Variants in KCND2 observed in about 807,000 individuals in gnomAD.
The protein encoded by KCND2 is potassium voltage-gated channel subfamily D member 2.
A neutral mutation model predicts 54.4 loss-of-function variants in KCND2; 16 were observed. That is an observed-to-expected ratio of 0.29 (90% CI 0.20 to 0.45). The LOEUF is 0.45. Among genes scored for constraint, KCND2 ranks in the 20% least tolerant of loss-of-function variants. The probability of loss-of-function intolerance (pLI) is 1.00; values close to 1 mark genes in which losing one functional copy is unlikely to be tolerated. For missense variants in KCND2, 486 were observed against 824.2 expected, an observed-to-expected ratio of 0.59 and a Z score of 5.02; for synonymous variants, 317 against 310.7, an observed-to-expected ratio of 1.02 and a Z score of -0.21.
intron 1 of KCND2, among the ~76,000 whole-genome samples, chr7:120,595,397 G>A (rs1468945069): frequency 6.7e-6 from 1 of 149,378 alleles, no homozygotes; most frequent in Non-Finnish European, 1.5e-5. Flanking sequence ...GTTGCAGTGA[G>A]CTGAGATTGC....
At chr7:120,702,406 G>A (rs1433766922) in intron 1 of KCND2, among the ~76,000 whole-genome samples, 1 of 152,118 alleles carries the variant, frequency 6.6e-6, no homozygotes, top group Non-Finnish European at 1.5e-5. Flanking sequence ...GCTAAAAACG[G>A]AACTACCAGT....
At chr7:120,672,685 G>A (rs550728783) in intron 1 of KCND2, among the ~76,000 whole-genome samples, 1 of 152,178 alleles carries the variant, frequency 6.6e-6, no homozygotes, top group African/African-American at 2.4e-5. Flanking sequence ...GATCAGATCT[G>A]TGATAGGCTG....
chr7:120,636,113 GTTTATTTATTTGCTTA>G (rs1419389863), intron 1 of KCND2, among the ~76,000 whole-genome samples: 2 of 151,942 alleles, frequency 1.3e-5, no homozygotes, highest in African/African-American at 4.8e-5. Flanking sequence ...AGATTGATGG[GTTTATTTATTTGCTTA>G]TTTATTTATT....
At chr7:120,577,539 A>C (rs1349517119) in intron 1 of KCND2, among the ~76,000 whole-genome samples, 8 of 146,824 alleles carry the variant, frequency 5.4e-5, no homozygotes, top group Admixed American at 2.6e-4. Flanking sequence ...CCCTGGACTC[A>C]AACGACAACA....
intron 1 of KCND2, among the ~76,000 whole-genome samples, chr7:120,659,850 T>C (rs1236387144): frequency 6.6e-6 from 1 of 152,160 alleles, no homozygotes; most frequent in East Asian, 1.9e-4. Flanking sequence ...GTAATTAGTG[T>C]GTTTAGTTGA....
At chr7:120,499,699 T>C (rs1351074970) in intron 1 of KCND2, among the ~76,000 whole-genome samples, 2 of 152,196 alleles carry the variant, frequency 1.3e-5, no homozygotes, top group Non-Finnish European at 2.9e-5. Flanking sequence ...ACTTTCAAGA[T>C]CCAGCATACA....
chr7:120,395,899 T>C lies in KCND2; in HGVS notation c.1115+120152T>C, dbSNP rs75517553. ...CCAGATCCTGCTTTTATCAAGGTGTTGGTGACCAGAAAAAGACTCCTATGG... is the reference window on the plus strand; with the variant it reads ...CCAGATCCTGCTTTTATCAAGGTGTCGGTGACCAGAAAAAGACTCCTATGG... On this transcript the variant is annotated intron_variant, in intron 1 of 5. Transcript: ENST00000331113. Among the ~76,000 whole-genome samples, 977 of 152,068 alleles carry C rather than the reference T, an allele frequency of 6.4e-3. 15 individuals carry two copies. The highest frequency in any genetic ancestry group is 0.023 in the African/African-American group (935 of 41,518).
chr7:120,440,011 T>C (rs1043238300), intron 1 of KCND2, among the ~76,000 whole-genome samples: 1 of 152,040 alleles, frequency 6.6e-6, no homozygotes, highest in African/African-American at 2.4e-5. Context: ...TGGATAAATA[T>C]CCAGGAGCAC....
chr7:120,648,117 T>C (rs1015354564), intron 1 of KCND2, among the ~76,000 whole-genome samples: 1 of 152,174 alleles, frequency 6.6e-6, no homozygotes, highest in African/African-American at 2.4e-5. Context: ...GGTTTTCCTG[T>C]CCTCCTAAAC....
chr7:120,547,341 T>G (rs1792053034), intron 1 of KCND2, among the ~76,000 whole-genome samples: 1 of 151,976 alleles, frequency 6.6e-6, no homozygotes, highest in Non-Finnish European at 1.5e-5. Flanking sequence ...TACTCTAATG[T>G]TAACTGAAGA....
chr7:120,503,489 T>G (rs1802968244), intron 1 of KCND2, among the ~76,000 whole-genome samples: 1 of 151,864 alleles, frequency 6.6e-6, no homozygotes, highest in African/African-American at 2.4e-5. Flanking sequence ...AAGTCTCAAA[T>G]TCTTTTAAAC....
chr7:120,295,886 T>C (rs1799506987), intron 1 of KCND2, among the ~76,000 whole-genome samples: 1 of 152,012 alleles, frequency 6.6e-6, no homozygotes, highest in African/African-American at 2.4e-5. Flanking sequence ...TAAACACCCC[T>C]CTATCTACAG....
intron 1 of KCND2, among the ~76,000 whole-genome samples, chr7:120,402,656 C>T (rs1801281590): frequency 1.3e-5 from 2 of 152,060 alleles, no homozygotes; most frequent in African/African-American, 4.8e-5. Flanking sequence ...AAAGATGATT[C>T]ATTTTGTTTC....
intron 1 of KCND2, among the ~76,000 whole-genome samples, chr7:120,653,944 A>C (rs1011497554): frequency 6.6e-6 from 1 of 152,190 alleles, no homozygotes; most frequent in Non-Finnish European, 1.5e-5. Context: ...TTGTTTCCCC[A>C]CAGGGAAAGT....
chr7:120,693,264 T>A (rs1792294135), intron 1 of KCND2, among the ~76,000 whole-genome samples: 1 of 152,180 alleles, frequency 6.6e-6, no homozygotes, highest in African/African-American at 2.4e-5. Context: ...GAAAAGATAT[T>A]AATAATCATA....
intron 1 of KCND2, among the ~76,000 whole-genome samples, chr7:120,491,949 A>C (rs1378852942): frequency 1.3e-5 from 2 of 152,152 alleles, no homozygotes; most frequent in Non-Finnish European, 1.5e-5. Flanking sequence ...CATTTAATTT[A>C]AATCTAATCA....
chr7:120,482,908 C>G (rs922198370), intron 1 of KCND2, among the ~76,000 whole-genome samples: 1 of 152,152 alleles, frequency 6.6e-6, no homozygotes, highest in Non-Finnish European at 1.5e-5. Context: ...TGATTAATTG[C>G]GTCACTTATT....
At chr7:120,443,352 A>AAAT (rs139962538) in intron 1 of KCND2, among the ~76,000 whole-genome samples, 17,242 of 146,482 alleles carry the variant, frequency 0.12, 1,048 homozygotes, top group Admixed American at 0.15. Flanking sequence ...TAACAATAAT[A>AAAT]AATAATAATA....
chr7:120,275,270 C>G lies in KCND2; in HGVS notation c.638C>G (p.Pro213Arg). Residue 213 changes from proline to arginine, a missense_variant, in exon 1 of 6, where the codon CCA (proline) becomes CGA (arginine). Pro to Arg is a moderately radical substitution (Grantham distance 103). Around this residue, in one of 7 missense-constraint regions of KCND2, gnomAD observed 231 missense variants for 386.0 expected, o/e 0.60. Transcript: ENST00000331113. ...VVETVPCGSS[P>R]GHIKELPCGE... ...GAAACAGTGCCGTGCGGATCAAGCC[C>G]AGGTCACATTAAAGAACTGCCCTGT... The G allele has an allele frequency of 1.2e-6, 2 of 1,613,876 alleles. No individual in the cohort carries two copies. The highest frequency in any genetic ancestry group is 1.7e-6 in the Non-Finnish European group (2 of 1,179,968).
Sources: gnomAD v4.1 joint callset for allele counts (sites outside exome capture counted in the v4.1 genomes callset) on GRCh38, gnomAD v4.1.1 for gene constraint, gnomAD v4.1.1 regional missense constraint, MANE v1.5 for transcripts, NCBI Gene and HGNC (gene_info 2026-07-23, HGNC 2026-07-21) for gene names.